The following PCDHA3 variants were observed in gnomAD, a reference collection of about 807,000 sequenced individuals.
The protein encoded by PCDHA3 is protocadherin alpha 3.
In PCDHA3, 41 loss-of-function variants were observed where a neutral mutation model predicts 62.2. The ratio of observed to expected loss-of-function variants is 0.66; its 90% CI spans 0.51 to 0.86. PCDHA3 has a LOEUF of 0.86. Ranked by LOEUF, PCDHA3 falls within the 40% of genes least tolerant of loss-of-function variation. PCDHA3 has a pLI of 0.00. For missense variants in PCDHA3, 1,304 were observed against 1,241.2 expected (o/e 1.05, Z -0.76); for synonymous variants, 640 against 555.4 (o/e 1.15, Z -2.14).
intron 1 of PCDHA3, among the ~76,000 whole-genome samples, chr5:140,963,211 G>A (rs185560728): frequency 0.016 from 2,496 of 152,042 alleles, 69 homozygotes; most frequent in African/African-American, 0.056. Flanking sequence ...AAAAAACCTC[G>A]TGTTTAGAGT....
At chr5:140,829,840 G>A (rs1554132317) in intron 1 of PCDHA3, 3 of 1,613,938 alleles carry the variant, frequency 1.9e-6, no homozygotes, top group Non-Finnish European at 2.5e-6. Context: ...TGGTGCCGCG[G>A]TCACTGGGTG....
intron 1 of PCDHA3, chr5:140,927,217 A>C: frequency 6.2e-7 from 1 of 1,614,082 alleles, no homozygotes; most frequent in Non-Finnish European, 8.5e-7. Context: ...GGAGCTGCAC[A>C]AGATTCGGAT....
At chr5:140,842,540 T>A in intron 1 of PCDHA3, 1 of 1,610,630 alleles carries the variant, frequency 6.2e-7, no homozygotes. Context: ...TTACTACTCG[T>A]TGGTGCTGGA....
intron 1 of PCDHA3, chr5:140,929,632 C>T: frequency 2.6e-6 from 1 of 387,580 alleles, no homozygotes; most frequent in Admixed American, 4.5e-5. Flanking sequence ...TTATAAGCAA[C>T]AGATGTGTAA....
Position 140,803,344 on chromosome 5 carries a change from T to A in PCDHA3, c.2147T>A (p.Leu716Gln). The A allele has an allele frequency of 6.2e-7, 1 of 1,614,200 alleles. No individual in the cohort carries two copies. The highest frequency in any genetic ancestry group is 1.6e-4 in the Middle Eastern group (1 of 6,062). ...AVSSLLVLTL[L>Q]LYTALRCSAP... Reference sequence around the variant, plus strand: ...TCCAGTCTGTTGGTGCTCACACTGCTGCTATATACTGCTCTGCGGTGCTCC... The same window carrying A: ...TCCAGTCTGTTGGTGCTCACACTGCAGCTATATACTGCTCTGCGGTGCTCC... Residue 716 changes from leucine (L) to glutamine (Q), a missense_variant, in exon 1 of 4, where the codon CTG (leucine) becomes CAG (glutamine). By Grantham distance (113) the Leu-to-Gln change is moderately radical. Transcript: ENST00000522353.
At chr5:140,920,828 G>A (rs1482219421) in intron 1 of PCDHA3, among the ~76,000 whole-genome samples, 4 of 147,976 alleles carry the variant, frequency 2.7e-5, no homozygotes, top group African/African-American at 1.0e-4. Context: ...TGGCGACGGA[G>A]CAAGACCAAA....
At chr5:140,854,958 C>T (rs1554147522) in intron 1 of PCDHA3, among the ~76,000 whole-genome samples, 2 of 149,742 alleles carry the variant, frequency 1.3e-5, no homozygotes, top group African/African-American at 2.4e-5. Context: ...TTCTTAATTA[C>T]TTTATTCAGA....
In PCDHA3 at chr5:140,801,728, T is replaced by C. The variant is rs781789244; in HGVS notation, c.531T>C (p.Tyr177=). The C allele has an allele frequency of 6.2e-7, 1 of 1,614,030 alleles. No individual in the cohort carries two copies. Among genetic ancestry groups the C allele is most frequent in the South Asian group, 1.1e-5 (1 of 91,076 alleles). ...LLTYSLDSTE[Y]FTLDVKRNDE... ...CTTACAGTCTTGATTCCACTGAATA[T>C]TTTACCTTGGACGTTAAAAGAAATG... Residue 177 remains tyrosine, a synonymous_variant, in exon 1 of 4, where the codon TAT becomes TAC. Transcript: ENST00000522353.
chr5:140,952,101 A>G (rs1451958490), intron 1 of PCDHA3, among the ~76,000 whole-genome samples: 1 of 151,950 alleles, frequency 6.6e-6, no homozygotes, highest in African/African-American at 2.4e-5. Flanking sequence ...TCCAGGGCAC[A>G]CTCGTGTGAG....
At chr5:140,825,107 A>G (rs1768448752) in intron 1 of PCDHA3, 1 of 151,744 alleles carries the variant, frequency 6.6e-6, no homozygotes, top group Non-Finnish European at 1.5e-5. Context: ...TTCATATACA[A>G]ATAAACTTCC....
intron 1 of PCDHA3, chr5:140,858,372 C>CACATCT: frequency 6.3e-7 from 1 of 1,587,864 alleles, no homozygotes; most frequent in Non-Finnish European, 8.6e-7. Flanking sequence ...CCCAGCCTTC[C>CACATCT]ACCATGCCCA....
chr5:140,839,525 G>A (rs2150298665), intron 1 of PCDHA3, among the ~76,000 whole-genome samples: 9 of 151,898 alleles, frequency 5.9e-5, no homozygotes, highest in Admixed American at 1.3e-4. Context: ...AAGTTGCTGG[G>A]ACTATAGGCA....
At chr5:140,942,876 T>C (rs2093384814) in intron 1 of PCDHA3, among the ~76,000 whole-genome samples, 1 of 152,052 alleles carries the variant, frequency 6.6e-6, no homozygotes, top group Non-Finnish European at 1.5e-5. Context: ...GCATGACAAC[T>C]TTTTTCCTAA....
chr5:140,955,468 T>C (rs1394591179), intron 1 of PCDHA3, among the ~76,000 whole-genome samples: 1 of 152,116 alleles, frequency 6.6e-6, no homozygotes, highest in Non-Finnish European at 1.5e-5. Context: ...TCCTTTTTGC[T>C]TGGCACCTCT....
intron 1 of PCDHA3, chr5:140,821,871 C>T (rs2150111403): frequency 6.2e-7 from 1 of 1,614,228 alleles, no homozygotes; most frequent in South Asian, 1.1e-5. Context: ...AGCTCCACTA[C>T]TCGATCCCGG....
At chr5:140,902,575 T>A (rs1200474088) in intron 1 of PCDHA3, among the ~76,000 whole-genome samples, 1 of 152,082 alleles carries the variant, frequency 6.6e-6, no homozygotes, top group Non-Finnish European at 1.5e-5. Flanking sequence ...TTTTTAAGAT[T>A]TCAATAGTTT....
In PCDHA3 at chr5:140,829,378, C is replaced by T. The variant is rs142490526; in HGVS notation, c.2394+25787C>T. 28 of 1,614,180 alleles carry T rather than the reference C, an allele frequency of 1.7e-5. No homozygotes were observed. In the African/African-American group the frequency reaches 2.1e-4, roughly 12 times the overall value. On this transcript the variant is annotated intron_variant, in intron 1 of 3. Transcript: ENST00000522353. ...ATGAGTTGGTGGTAACCGCGCGGGA[C>T]GGGGGCTCGCCTTCGCTGTGGGCCA...
chr5:140,892,158 T>A (rs1442080527), intron 1 of PCDHA3, among the ~76,000 whole-genome samples: 2 of 152,242 alleles, frequency 1.3e-5, no homozygotes, highest in Non-Finnish European at 2.9e-5. Context: ...ATTTCTGATA[T>A]GTCCAGTAAC....
chr5:140,942,255 A>G (rs2093254394), intron 1 of PCDHA3, among the ~76,000 whole-genome samples: 1 of 152,194 alleles, frequency 6.6e-6, no homozygotes, highest in Non-Finnish European at 1.5e-5. Context: ...TCATTAAAAG[A>G]TATCTAAAGC....
Sources: gnomAD v4.1 joint callset for allele counts (sites outside exome capture counted in the v4.1 genomes callset) on GRCh38, gnomAD v4.1.1 for gene constraint, MANE v1.5 for transcripts, NCBI Gene and HGNC (gene_info 2026-07-23, HGNC 2026-07-21) for gene names.